The following HCLS1 variants were observed in gnomAD, a reference collection of about 807,000 sequenced individuals.
The protein encoded by HCLS1 is hematopoietic cell-specific Lyn substrate 1.
HCLS1 carries 44 observed loss-of-function variants against 68.6 expected under a neutral mutation model. The observed-to-expected ratio is 0.64, with a 90% confidence interval of 0.50 to 0.82. HCLS1 has a LOEUF of 0.82. Among genes scored for constraint, HCLS1 ranks in the 40% least tolerant of loss-of-function variants. HCLS1 has a pLI of 0.00. For synonymous variants in HCLS1, 217 were observed against 225.8 expected (o/e 0.96, Z 0.35); for missense variants, 602 against 612.1 (o/e 0.98, Z 0.17).
chr3:121,647,439 C>T lies in HCLS1; in HGVS notation c.168G>A (p.Gln56=). Reference sequence around the variant, plus strand: ...GCTCCTCTGATACTTTGTTCCTCAGCTGGTGGATGCTGGAAGAAACCACAT... The same window carrying T: ...GCTCCTCTGATACTTTGTTCCTCAGTTGGTGGATGCTGGAAGAAACCACAT... ...SGRTEHINIH[Q]LRNKVSEEHD... The change falls in exon 4 of 14, where the codon CAG becomes CAA. Residue 56 remains glutamine, a synonymous_variant. Coordinates refer to ENST00000314583, the MANE Select transcript of HCLS1 (RefSeq NM_005335.6). 6.2e-7 allele frequency: 1 copy of T among 1,614,104 alleles called. No individual in the cohort carries two copies. The highest frequency in any genetic ancestry group is 8.5e-7 in the Non-Finnish European group (1 of 1,179,994).
intron 5 of HCLS1, 176 bp from the exon 6 acceptor site, chr3:121,643,157 C>T: frequency 1.8e-6 from 1 of 559,694 alleles, no homozygotes; most frequent in Non-Finnish European, 3.2e-6. Flanking sequence ...GAGCAATGAA[C>T]ATAGGCCCTG....
At chr3:121,632,273 T>G in intron 12 of HCLS1, 59 bp downstream of exon 12, 2 of 1,601,802 alleles carry the variant, frequency 1.2e-6, no homozygotes, top group Non-Finnish European at 1.7e-6. Context: ...GAAATTCTTC[T>G]TCCTCTTACC....
chr3:121,640,782 AAGGGGAGGGGAGGGG>A (rs1185039803), intron 6 of HCLS1, among the ~76,000 whole-genome samples: 2 of 53,368 alleles, frequency 3.7e-5, no homozygotes, highest in African/African-American at 7.5e-5. Flanking sequence ...AAGGCAAGGG[AAGGGGAGGGGAGGGG>A]AGGGGAGGGG....
At chr3:121,642,775 C>A in intron 6 of HCLS1, 152 bp downstream of exon 6, 1 of 676,162 alleles carries the variant, frequency 1.5e-6, no homozygotes, top group South Asian at 1.6e-5. Context: ...GACCCTGTCT[C>A]AAAAACAAAC....
chr3:121,640,300 G>C (rs2049184495), intron 6 of HCLS1, among the ~76,000 whole-genome samples: 1 of 152,140 alleles, frequency 6.6e-6, no homozygotes, highest in Non-Finnish European at 1.5e-5. Flanking sequence ...AGTTGAGCCA[G>C]AAGTAGAGGC....
At chr3:121,646,400 T>C (rs1246675303) in intron 4 of HCLS1, among the ~76,000 whole-genome samples, 2 of 93,834 alleles carry the variant, frequency 2.1e-5, no homozygotes, top group Non-Finnish European at 3.7e-5. Context: ...TACTATGTAA[T>C]ATATTACATA....
Position 121,647,385 on chromosome 3 carries a change from C to T in HCLS1, c.222G>A (p.Glu74=). 1.2e-6 allele frequency: 2 copies of T among 1,614,074 alleles called. No homozygotes were observed. Among genetic ancestry groups the T allele is most frequent in the Non-Finnish European group, 1.7e-6 (2 of 1,179,970 alleles). ...AGCCATGGGATGCTTTGGGCCCTGA[C>T]TCCATCTCTTTCTTCCTGAGAACAT... ...EHDVLRKKEM[E]SGPKASHGYG... Residue 74 remains glutamate, a synonymous_variant, in exon 4 of 14, where the codon GAG becomes GAA. Transcript: ENST00000314583.
intron 11 of HCLS1, 56 bp from the exon 12 acceptor site, chr3:121,632,619 G>A: frequency 2.0e-6 from 3 of 1,527,580 alleles, no homozygotes; most frequent in Non-Finnish European, 2.7e-6. Context: ...GGAATCAATG[G>A]AGGACTGATA....
At chr3:121,655,462 C>CTTTTTTTTTTTTTTTTT (rs1181452367) in intron 3 of HCLS1, 2 of 50,066 alleles carry the variant, frequency 4.0e-5, no homozygotes, top group Non-Finnish European at 7.5e-5. Flanking sequence ...GTTGCTTGCT[C>CTTTTTTTTTTTTTTTTT]TTTTTTTTTT....
rs1374599133 is a variant in HCLS1 at position 121,631,874 on chromosome 3, G to A, written c.1433C>T (p.Pro478Leu). 1.9e-6 allele frequency: 3 copies of A among 1,614,120 alleles called. No homozygotes were observed. Among genetic ancestry groups the A allele is most frequent in the Non-Finnish European group, 2.5e-6 (3 of 1,180,018 alleles). The change falls in exon 14 of 14, where the codon CCT becomes CTT. Residue 478 changes from proline (P) to leucine (L), a missense_variant. Pro to Leu is a moderately conservative substitution (Grantham distance 98). Transcript: ENST00000314583. ...GRCHGHFGLF[P>L]ANYVKLLE ...CTCCAGAAGCTTGACATAATTTGCA[G>A]GGAAGAGTCCAAAGTGGCCATGGCA...
chr3:121,642,747 G>T (rs7648708), intron 6 of HCLS1, among the ~76,000 whole-genome samples, 180 bp downstream of exon 6: 2,574 of 152,244 alleles, frequency 0.017, 61 homozygotes, highest in African/African-American at 0.058. Context: ...CTGCACTCCC[G>T]CCTGGGTGAC....
At chr3:121,645,678 C>A (rs566776576) in intron 4 of HCLS1, among the ~76,000 whole-genome samples, 5 of 151,760 alleles carry the variant, frequency 3.3e-5, no homozygotes. Context: ...GTGTTGAGAT[C>A]AGAAAAATTT....
intron 3 of HCLS1, among the ~76,000 whole-genome samples, chr3:121,649,253 T>C (rs1937686396): frequency 6.6e-6 from 1 of 152,134 alleles, no homozygotes; most frequent in Non-Finnish European, 1.5e-5. Flanking sequence ...TTATTATTAT[T>C]GAGACAGAAT....
intron 6 of HCLS1, among the ~76,000 whole-genome samples, chr3:121,639,710 T>C (rs1308966839): frequency 1.3e-5 from 2 of 152,090 alleles, no homozygotes; most frequent in Non-Finnish European, 2.9e-5. Context: ...TGAATGAAAA[T>C]TAAAACACAC....
Position 121,637,127 on chromosome 3 carries a change from CCT to C in HCLS1, c.565+17_565+18del. 1 of 1,539,542 alleles carries C rather than the reference CCT, an allele frequency of 6.5e-7. No individual in the cohort carries two copies. Among genetic ancestry groups the C allele is most frequent in the Non-Finnish European group, 9.0e-7 (1 of 1,111,964 alleles). On this transcript the variant is annotated intron_variant, in intron 7 of 13. Coordinates refer to ENST00000314583, the MANE Select transcript of HCLS1 (RefSeq NM_005335.6). ...TCCCTGTGCTATCTGTGACCTTCCCCCTTCCAACCCCAACTCACCTCTCTGGG... is the reference window on the plus strand; with the variant it reads ...TCCCTGTGCTATCTGTGACCTTCCCCTCCAACCCCAACTCACCTCTCTGGG...
intron 3 of HCLS1, chr3:121,655,497 C>T (rs180785124): frequency 1.9e-5 from 2 of 103,338 alleles, no homozygotes; most frequent in East Asian, 2.8e-4. Flanking sequence ...TTGCCAATGC[C>T]TACTATATTG....
Position 121,637,119 on chromosome 3 carries a change from A to G in HCLS1, c.565+27T>C. 2.0e-6 allele frequency: 3 copies of G among 1,468,224 alleles called. No homozygotes were observed. The Middle Eastern group carries it at 5.2e-4, about 253-fold the overall frequency. The allele number at this position is 1,468,224 out of a possible 1,614,324, so 90.9% of individuals were successfully genotyped here. ...GAAGGAGATCCCTGTGCTATCTGTG[A>G]CCTTCCCCCTTCCAACCCCAACTCA... On this transcript the variant is annotated intron_variant, in intron 7 of 13. Transcript: ENST00000314583.
In HCLS1 at chr3:121,655,082, T is replaced by G. The variant is rs1211429053; in HGVS notation, c.158+2197A>C. ...AAATGGGAGATGAGCGAGATTTTTT[T>G]GTCAATATCTCCATCGTTTATTCTA... is the stretch of plus-strand genomic sequence containing the variant. On this transcript the variant is annotated intron_variant, in intron 3 of 13. Coordinates refer to ENST00000314583, the MANE Select transcript of HCLS1 (RefSeq NM_005335.6). Among the ~76,000 whole-genome samples the G allele has an allele frequency of 3.3e-5, 5 of 152,204 alleles. No individual in the cohort carries two copies. In the East Asian group the frequency reaches 9.6e-4, roughly 29 times the overall value.
intron 9 of HCLS1, among the ~76,000 whole-genome samples, chr3:121,635,524 C>T (rs965351584): frequency 1.3e-5 from 2 of 151,966 alleles, no homozygotes; most frequent in Non-Finnish European, 1.5e-5. Context: ...GCAGTCCTCC[C>T]ACTTTAGCCA....
Sources: allele counts gnomAD v4.1 joint callset (sites outside exome capture counted in the v4.1 genomes callset), GRCh38; gene constraint gnomAD v4.1.1; transcripts MANE v1.5; gene names NCBI Gene and HGNC (gene_info 2026-07-23, HGNC 2026-07-21).